Variants in IARS1 observed in about 807,000 individuals in gnomAD.
The protein encoded by IARS1 is isoleucyl-tRNA synthetase 1.
Under a neutral mutation model 168.2 loss-of-function variants are expected in IARS1, and 124 were observed. The ratio of observed to expected loss-of-function variants is 0.74; its 90% confidence interval spans 0.64 to 0.86. The LOEUF (loss-of-function observed/expected upper bound fraction) is 0.86. Among genes scored for constraint, IARS1 ranks in the 40% least tolerant of loss-of-function variants. The probability of loss-of-function intolerance (pLI) is 0.00; values close to 1 mark genes in which losing one functional copy is unlikely to be tolerated. For missense variants in IARS1, 1,452 were observed against 1,515.8 expected (o/e 0.96, Z 0.70); for synonymous variants, 532 against 529.4 (o/e 1.00, Z -0.07).
chr9:92,229,178 A>T, intron 30 of IARS1, 52 bp from the exon 31 acceptor site: 2 of 1,587,296 alleles, frequency 1.3e-6, no homozygotes, highest in Non-Finnish European at 1.7e-6. Flanking sequence ...ACTAAAAAGA[A>T]AATGTTACAT....
At chr9:92,231,879 G>C (rs772018128) in intron 30 of IARS1, among the ~76,000 whole-genome samples, 20 of 152,140 alleles carry the variant, frequency 1.3e-4, no homozygotes, top group Admixed American at 3.9e-4. Flanking sequence ...TCAAGTTCAT[G>C]TGACTTGGGT....
chr9:92,260,125 A>G, intron 18 of IARS1, 26 bp downstream of exon 18: 1 of 1,491,518 alleles, frequency 6.7e-7, no homozygotes, highest in East Asian at 2.3e-5. Flanking sequence ...CAATAGATAC[A>G]CACAAGGCAA....
chr9:92,259,056 C>T, intron 18 of IARS1, 58 bp from the exon 19 acceptor site: 1 of 1,422,178 alleles, frequency 7.0e-7, no homozygotes, highest in Non-Finnish European at 9.5e-7. Context: ...CCAATTATTA[C>T]TACTCGACAT....
chr9:92,270,673 A>G (rs1832891861), intron 12 of IARS1, among the ~76,000 whole-genome samples: 1 of 152,076 alleles, frequency 6.6e-6, no homozygotes, highest in African/African-American at 2.4e-5. Flanking sequence ...CACCACCTAC[A>G]TAGTTCCAGC....
At chr9:92,284,225 T>C (rs1243617181) in intron 6 of IARS1, among the ~76,000 whole-genome samples, 3 of 152,076 alleles carry the variant, frequency 2.0e-5, no homozygotes, top group African/African-American at 7.2e-5. Flanking sequence ...CTTTTTAAGG[T>C]GTGACAACGA....
chr9:92,250,769 A>C lies in IARS1; in HGVS notation c.2373T>G (p.Val791=), dbSNP rs758763502. 1.7e-5 allele frequency: 28 copies of C among 1,613,608 alleles called. No individual in the cohort carries two copies. The highest frequency in any genetic ancestry group is 2.4e-5 in the Non-Finnish European group (28 of 1,179,842). Residue 791 remains valine, a synonymous_variant, in exon 23 of 34, where the codon GTT becomes GTG. Transcript: ENST00000443024. The part of the protein sequence containing the change: ...YQNLKVLIDP[V]SVQDKDTLSI... ...TGAGTGTGTCCTTGTCCTGAACAGA[A>C]ACAGGGTCAATCAGCACCTTTAGAT...
Position 92,223,491 on chromosome 9 carries a change from TA to T in IARS1, c.3410-3del. 1.2e-6 allele frequency: 2 copies of T among 1,606,952 alleles called. No homozygotes were observed. The highest frequency in any genetic ancestry group is 8.5e-7 in the Non-Finnish European group (1 of 1,176,424). On this transcript the variant is annotated splice_region_variant and splice_polypyrimidine_tract_variant and intron_variant, in intron 31 of 33. Transcript: ENST00000443024. ...GTAAGTCAGTTTGGTTTTGTATTTC[TA>T]AAAATAACAACAACAATTCTTTCAG...
intron 19 of IARS1, 119 bp from the exon 20 acceptor site, chr9:92,256,919 A>G: frequency 1.1e-6 from 1 of 884,678 alleles, no homozygotes; most frequent in East Asian, 2.7e-5. Flanking sequence ...CCCTACTGGC[A>G]ATGTGAATTT....
Position 92,215,339 on chromosome 9 carries a change from A to T in IARS1, c.3707-4450T>A, listed in dbSNP as rs1051656953. ...GATGGGGAAAAAACAGAACAGAAAA[A>T]CTGGAAACTCTAAAAAGCAGAGTGC... is the stretch of plus-strand genomic sequence containing the variant. On this transcript the variant is annotated intron_variant, in intron 33 of 33. Transcript: ENST00000443024. Among the ~76,000 whole-genome samples the T allele has an allele frequency of 2.3e-3, 351 of 152,292 alleles. 1 individual carries two copies. Among genetic ancestry groups the T allele is most frequent in the Non-Finnish European group, 3.3e-3 (227 of 68,016 alleles).
chr9:92,242,957 A>G, intron 28 of IARS1: 1 of 389,836 alleles, frequency 2.6e-6, no homozygotes, highest in East Asian at 5.9e-5. Flanking sequence ...CACAGGGGAT[A>G]TTCTGTAGAA....
chr9:92,211,467 T>A (rs1024761855), intron 33 of IARS1, among the ~76,000 whole-genome samples: 1 of 152,194 alleles, frequency 6.6e-6, no homozygotes, highest in Non-Finnish European at 1.5e-5. Context: ...TTACTGAACC[T>A]GAGGGTGGTT....
At chr9:92,279,155 T>C (rs995876098) in intron 7 of IARS1, among the ~76,000 whole-genome samples, 4 of 152,048 alleles carry the variant, frequency 2.6e-5, no homozygotes, top group Non-Finnish European at 5.9e-5. Context: ...GAAAAATGAG[T>C]ATCTATGGGT....
chr9:92,280,200 T>C (rs1388066655), intron 7 of IARS1, among the ~76,000 whole-genome samples: 2 of 152,250 alleles, frequency 1.3e-5, no homozygotes, highest in African/African-American at 4.8e-5. Context: ...TTCAGCTTTT[T>C]GAAGAAATGT....
chr9:92,240,476 T>C (rs961891418), intron 30 of IARS1: 8 of 568,648 alleles, frequency 1.4e-5, no homozygotes, highest in Non-Finnish European at 2.2e-5. Flanking sequence ...GTTTATCAGG[T>C]CTTGAACTCC....
At chr9:92,251,342 A>G (rs1829987842) in intron 22 of IARS1, among the ~76,000 whole-genome samples, 1 of 152,256 alleles carries the variant, frequency 6.6e-6, no homozygotes, top group African/African-American at 2.4e-5. Flanking sequence ...TTCCACTTTT[A>G]TATTATTTAA....
chr9:92,233,962 T>C (rs954013244), intron 30 of IARS1, among the ~76,000 whole-genome samples: 1 of 152,132 alleles, frequency 6.6e-6, no homozygotes, highest in African/African-American at 2.4e-5. Flanking sequence ...GGTCTCACTT[T>C]GTTGCCGAGG....
At chr9:92,245,747 C>G (rs905149255) in intron 26 of IARS1, among the ~76,000 whole-genome samples, 3 of 151,634 alleles carry the variant, frequency 2.0e-5, no homozygotes, top group Non-Finnish European at 4.4e-5. Context: ...CTTTCAATTT[C>G]AAATAAGGTT....
intron 1 of IARS1, among the ~76,000 whole-genome samples, chr9:92,290,976 C>T (rs546812279): frequency 6.6e-6 from 1 of 152,088 alleles, no homozygotes; most frequent in South Asian, 2.1e-4. Context: ...TCCATTTTAC[C>T]CTTTTTATTG....
At chr9:92,252,437 A>G in intron 21 of IARS1, 1 of 508,144 alleles carries the variant, frequency 2.0e-6, no homozygotes, top group South Asian at 1.4e-5. Flanking sequence ...AAATGAAATT[A>G]CAGTTGTGTT....
Sources: gnomAD v4.1 joint callset for allele counts (sites outside exome capture counted in the v4.1 genomes callset) on GRCh38, gnomAD v4.1.1 for gene constraint, MANE v1.5 for transcripts, NCBI Gene and HGNC (gene_info 2026-07-23, HGNC 2026-07-21) for gene names.